HTR2C: variants seen among roughly 807,000 people sequenced by gnomAD.
HTR2C encodes the protein 5-hydroxytryptamine (serotonin) receptor 2C, G protein-coupled.
HTR2C carries 5 observed loss-of-function variants against 21.0 expected under a neutral mutation model. That is an observed-to-expected ratio of 0.24 (90% CI 0.12 to 0.50). The LOEUF is 0.50. HTR2C is among the 20% of genes least tolerant of loss of function. The probability of loss-of-function intolerance (pLI) is 0.98; values close to 1 mark genes in which losing one functional copy is unlikely to be tolerated. For missense variants in HTR2C, 271 were observed against 371.2 expected (o/e 0.73, Z 2.22); for synonymous variants, 150 against 145.3 (o/e 1.03, Z -0.23).
intron 1 of HTR2C, among the ~76,000 whole-genome samples, chrX:114,602,118 A>T (rs1207567617): frequency 2.0e-5 from 1 of 50,098 alleles, no homozygotes; most frequent in Non-Finnish European, 3.9e-5. Context: ...GCCAGCAAAG[A>T]TTATTTATTT....
intron 5 of HTR2C, among the ~76,000 whole-genome samples, chrX:114,859,635 G>T (rs2070991066): frequency 9.1e-6 from 1 of 110,376 alleles, no homozygotes; most frequent in African/African-American, 3.3e-5. Context: ...ACTTCTCCAA[G>T]AATTATCTTT....
At chrX:114,620,935 A>G (rs1556401577) in intron 2 of HTR2C, among the ~76,000 whole-genome samples, 2 of 110,974 alleles carry the variant, frequency 1.8e-5, no homozygotes, top group Non-Finnish European at 3.8e-5. Context: ...GTTGGAGTGC[A>G]GTGGCACGAT....
intron 4 of HTR2C, among the ~76,000 whole-genome samples, chrX:114,835,425 A>T (rs1457499725): frequency 1.9e-5 from 2 of 105,856 alleles, no homozygotes; most frequent in Non-Finnish European, 3.9e-5. Context: ...TTTTTTCTCT[A>T]AACTTCCCTT....
At chrX:114,873,517 A>C (rs1249949399) in intron 5 of HTR2C, among the ~76,000 whole-genome samples, 1 of 111,765 alleles carries the variant, frequency 8.9e-6, no homozygotes, top group Non-Finnish European at 1.9e-5. Context: ...TTAAAAGTTA[A>C]TTTATCAGTA....
At chrX:114,756,133 C>A (rs1239561085) in intron 4 of HTR2C, among the ~76,000 whole-genome samples, 1 of 110,139 alleles carries the variant, frequency 9.1e-6, no homozygotes, top group African/African-American at 3.3e-5. Context: ...AACAACCCCC[C>A]CCAAATCACA....
chrX:114,645,963 G>T (rs782051090), intron 2 of HTR2C, among the ~76,000 whole-genome samples: 1 of 111,353 alleles, frequency 9.0e-6, no homozygotes, highest in African/African-American at 3.2e-5. Context: ...TAAGAGATGA[G>T]ATTGCCTCTT....
chrX:114,747,446 G>T (rs2069716810), intron 4 of HTR2C, among the ~76,000 whole-genome samples: 1 of 111,915 alleles, frequency 8.9e-6, no homozygotes, highest in African/African-American at 3.2e-5. Context: ...GAACTGTTTT[G>T]GTTTGAAGAT....
intron 2 of HTR2C, among the ~76,000 whole-genome samples, chrX:114,702,799 C>T (rs782000628): frequency 1.9e-5 from 2 of 106,488 alleles, no homozygotes; most frequent in South Asian, 4.4e-4. Flanking sequence ...CATCAGTGTG[C>T]TGTATTCAGG....
At chrX:114,679,019 G>A (rs1439557407) in intron 2 of HTR2C, among the ~76,000 whole-genome samples, 1 of 111,282 alleles carries the variant, frequency 9.0e-6, no homozygotes, top group Non-Finnish European at 1.9e-5. Context: ...TAAAATGTTG[G>A]AAACACAAAC....
intron 5 of HTR2C, among the ~76,000 whole-genome samples, chrX:114,871,442 G>T (rs2071090905): frequency 9.0e-6 from 1 of 111,565 alleles, no homozygotes; most frequent in African/African-American, 3.3e-5. Flanking sequence ...GGTCCATTTG[G>T]TCTGTAGAAC....
chrX:114,772,487 T>TGG lies in HTR2C; in HGVS notation c.349+40886_349+40887dup, dbSNP rs201762695. Among the ~76,000 whole-genome samples, 15 of 87,681 alleles carry TGG rather than the reference T, an allele frequency of 1.7e-4. 1 individual carries two copies. The highest frequency in any genetic ancestry group is 2.6e-4 in the African/African-American group (6 of 23,389). 76.1% of individuals were successfully genotyped at this position (87,681 alleles called of 115,157 possible). On this transcript the variant is annotated intron_variant, in intron 4 of 5. Coordinates refer to ENST00000276198, the MANE Select transcript of HTR2C (RefSeq NM_000868.4). The stretch of plus-strand genomic sequence containing the variant: ...TGTGTGGTGGCGGGGCGGGGCGTGG[T>TGG]GGGGGGGCCTTGATTCTGACCTTTA...
chrX:114,779,623 C>T (rs781818987), intron 4 of HTR2C, among the ~76,000 whole-genome samples: 3 of 111,798 alleles, frequency 2.7e-5, no homozygotes, highest in African/African-American at 9.7e-5. Context: ...CACATTCAGA[C>T]TCAACATTGC....
intron 4 of HTR2C, chrX:114,776,370 C>T: frequency 1.4e-6 from 1 of 736,764 alleles, no homozygotes; most frequent in Admixed American, 2.2e-5. Flanking sequence ...ACAGTCTTCC[C>T]AAGGTAGGCT....
intron 4 of HTR2C, among the ~76,000 whole-genome samples, chrX:114,813,846 G>A (rs2070557422): frequency 9.0e-6 from 1 of 111,536 alleles, no homozygotes; most frequent in African/African-American, 3.3e-5. Flanking sequence ...ACCAAGCTAT[G>A]TTGTACATTA....
chrX:114,627,705 C>A (rs1929435332), intron 2 of HTR2C, among the ~76,000 whole-genome samples: 2 of 111,436 alleles, frequency 1.8e-5, no homozygotes, highest in Non-Finnish European at 3.8e-5. Flanking sequence ...CTTTTTATGC[C>A]CCATGCAGGC....
At chrX:114,792,705 C>T (rs28834485) in intron 4 of HTR2C, among the ~76,000 whole-genome samples, 4,048 of 111,749 alleles carry the variant, frequency 0.036, 181 homozygotes, top group African/African-American at 0.12. Flanking sequence ...CTATCTTCCA[C>T]AATGGTTGAA....
At chrX:114,777,169 T>A (rs782060406) in intron 4 of HTR2C, among the ~76,000 whole-genome samples, 114 of 112,460 alleles carry the variant, frequency 1.0e-3, no homozygotes, top group African/African-American at 3.4e-3. Context: ...AAGATTTTCC[T>A]GACTGCCCTT....
chrX:114,705,459 AG>A (rs1447914885), intron 2 of HTR2C, among the ~76,000 whole-genome samples: 1 of 108,505 alleles, frequency 9.2e-6, no homozygotes, highest in East Asian at 2.9e-4. Flanking sequence ...CAATGGGGAA[AG>A]GATTCCCTAT....
intron 4 of HTR2C, among the ~76,000 whole-genome samples, chrX:114,761,764 C>T (rs1223473549): frequency 1.9e-5 from 2 of 107,677 alleles, no homozygotes; most frequent in Non-Finnish European, 3.8e-5. Flanking sequence ...GTCATTGCTT[C>T]ATGTTATATG....
Sources: gnomAD v4.1 joint callset for allele counts (sites outside exome capture counted in the v4.1 genomes callset) on GRCh38, gnomAD v4.1.1 for gene constraint, MANE v1.5 for transcripts, NCBI Gene and HGNC (gene_info 2026-07-23, HGNC 2026-07-21) for gene names.